The following PDE4B variants were observed in gnomAD, a reference collection of about 807,000 sequenced individuals.
PDE4B encodes the protein phosphodiesterase 4B.
PDE4B carries 20 observed loss-of-function variants against 82.2 expected under a neutral mutation model. The observed-to-expected ratio is 0.24, with a 90% CI of 0.17 to 0.35. The LOEUF (loss-of-function observed/expected upper bound fraction) is 0.35. PDE4B is among the 10% of genes least tolerant of loss of function. PDE4B has a pLI of 1.00. For missense variants in PDE4B, 655 were observed against 907.2 expected (o/e 0.72, Z 3.57); for synonymous variants, 320 against 318.9 (o/e 1.00, Z -0.04).
chr1:66,268,683 A>AG (rs1321409594), intron 7 of PDE4B, among the ~76,000 whole-genome samples: 2 of 151,220 alleles, frequency 1.3e-5, no homozygotes, highest in African/African-American at 4.8e-5. Flanking sequence ...AAAAAAAAAA[A>AG]AAAAAAAAGA....
At chr1:65,846,371 A>G (rs1049616102) in intron 1 of PDE4B, among the ~76,000 whole-genome samples, 7 of 152,234 alleles carry the variant, frequency 4.6e-5, no homozygotes, top group Admixed American at 3.3e-4. Flanking sequence ...AGATAAACAT[A>G]GGGCAAGGTT....
intron 3 of PDE4B, among the ~76,000 whole-genome samples, chr1:66,152,763 G>A (rs1646429259): frequency 6.6e-6 from 1 of 151,784 alleles, no homozygotes; most frequent in Admixed American, 6.6e-5. Context: ...AAACTCAGTC[G>A]GGAGTCAATG....
chr1:66,110,715 A>G (rs1423238586), intron 3 of PDE4B, among the ~76,000 whole-genome samples: 1 of 152,084 alleles, frequency 6.6e-6, no homozygotes, highest in Non-Finnish European at 1.5e-5. Context: ...ATGGTTGTCA[A>G]GGAAATAAAC....
At chr1:66,223,687 C>G (rs180793606) in intron 3 of PDE4B, among the ~76,000 whole-genome samples, 3 of 151,994 alleles carry the variant, frequency 2.0e-5, no homozygotes, top group Non-Finnish European at 2.9e-5. Context: ...TTCATTCCCC[C>G]CCAGCCCCAC....
At chr1:66,261,677 C>T (rs1033120452) in intron 6 of PDE4B, among the ~76,000 whole-genome samples, 7 of 152,146 alleles carry the variant, frequency 4.6e-5, no homozygotes, top group African/African-American at 1.7e-4. Flanking sequence ...TGTGCTTTAC[C>T]ACTCAAAGGG....
At chr1:66,169,435 T>G (rs1646797079) in intron 3 of PDE4B, among the ~76,000 whole-genome samples, 1 of 152,224 alleles carries the variant, frequency 6.6e-6, no homozygotes, top group South Asian at 2.1e-4. Context: ...TTGTGTAACA[T>G]AGATATTTTC....
chr1:66,078,662 G>C (rs1345863974), intron 3 of PDE4B, among the ~76,000 whole-genome samples: 1 of 152,018 alleles, frequency 6.6e-6, no homozygotes, highest in Admixed American at 6.6e-5. Context: ...TGTTTACTGG[G>C]CAATTCGTCT....
chr1:66,146,164 G>C (rs1646264223), intron 3 of PDE4B, among the ~76,000 whole-genome samples: 1 of 146,832 alleles, frequency 6.8e-6, no homozygotes, highest in African/African-American at 2.5e-5. Flanking sequence ...CCATTGCCTG[G>C]GTAGCATGCT....
At chr1:66,292,768 C>G (rs2101815467) in intron 7 of PDE4B, among the ~76,000 whole-genome samples, 1 of 152,298 alleles carries the variant, frequency 6.6e-6, no homozygotes, top group East Asian at 1.9e-4. Flanking sequence ...TCTCTACCTC[C>G]TCCTTCCCAC....
chr1:66,170,859 A>G (rs773079778), intron 3 of PDE4B, among the ~76,000 whole-genome samples: 4 of 152,184 alleles, frequency 2.6e-5, no homozygotes, highest in Non-Finnish European at 5.9e-5. Context: ...CCCTTTTGTA[A>G]TATTATAGTA....
chr1:65,922,310 T>C (rs1647277131), intron 3 of PDE4B, among the ~76,000 whole-genome samples: 1 of 152,182 alleles, frequency 6.6e-6, no homozygotes, highest in South Asian at 2.1e-4. Context: ...TAATGGTTAT[T>C]TTGATATTAT....
At chr1:66,087,186 G>A (rs1657047561) in intron 3 of PDE4B, among the ~76,000 whole-genome samples, 2 of 152,110 alleles carry the variant, frequency 1.3e-5, no homozygotes, top group Admixed American at 1.3e-4. Flanking sequence ...TATTGAAAGG[G>A]CAGTCAATGG....
At chr1:66,062,593 A>G (rs1194374127) in intron 3 of PDE4B, among the ~76,000 whole-genome samples, 1 of 152,084 alleles carries the variant, frequency 6.6e-6, no homozygotes, top group Non-Finnish European at 1.5e-5. Context: ...GGAAGCCCTA[A>G]AAGTTCAGCT....
At chr1:66,246,975 A>G (rs7523912) in intron 3 of PDE4B, among the ~76,000 whole-genome samples, 18,789 of 152,214 alleles carry the variant, frequency 0.12, 2,611 homozygotes, top group African/African-American at 0.34. Context: ...AAATACGTGT[A>G]TTGTATATTT....
chr1:66,295,214 C>T (rs1057309430), intron 7 of PDE4B, among the ~76,000 whole-genome samples: 2 of 152,032 alleles, frequency 1.3e-5, no homozygotes, highest in Non-Finnish European at 2.9e-5. Context: ...CAAGGGAATC[C>T]TGTTGGATAG....
intron 3 of PDE4B, among the ~76,000 whole-genome samples, chr1:66,091,086 G>C (rs1645014112): frequency 6.6e-6 from 1 of 151,914 alleles, no homozygotes; most frequent in African/African-American, 2.4e-5. Flanking sequence ...TTCCACCTAT[G>C]TGATGGCCTT....
At chr1:66,046,576 G>A (rs1654726722) in intron 3 of PDE4B, among the ~76,000 whole-genome samples, 1 of 151,742 alleles carries the variant, frequency 6.6e-6, no homozygotes, top group Non-Finnish European at 1.5e-5. Context: ...CTTTGTTCCT[G>A]GTGGTAAATT....
intron 4 of PDE4B, among the ~76,000 whole-genome samples, chr1:66,252,920 T>C (rs1421416217): frequency 1.3e-5 from 2 of 152,142 alleles, no homozygotes; most frequent in Admixed American, 6.5e-5. Context: ...GTCTAGGTAA[T>C]AGAGTGAGAC....
chr1:66,186,741 C>T (rs1031139470), intron 3 of PDE4B, among the ~76,000 whole-genome samples: 2 of 152,002 alleles, frequency 1.3e-5, no homozygotes, highest in Non-Finnish European at 2.9e-5. Flanking sequence ...GGGCTGAGAC[C>T]ATGGGGTTTT....
Sources: allele counts gnomAD v4.1 joint callset (sites outside exome capture counted in the v4.1 genomes callset), GRCh38; gene constraint gnomAD v4.1.1; transcripts MANE v1.5; gene names NCBI Gene and HGNC (gene_info 2026-07-23, HGNC 2026-07-21).